DDX10: variants seen among roughly 807,000 people sequenced by gnomAD.
DDX10 encodes the protein DEAD-box helicase 10.
DDX10 carries 74 observed loss-of-function variants against 104.3 expected under a neutral mutation model. The ratio of observed to expected loss-of-function variants is 0.71; its 90% confidence interval spans 0.59 to 0.86. The LOEUF is 0.86. Ranked by LOEUF, DDX10 falls within the 40% of genes least tolerant of loss-of-function variation. The probability of loss-of-function intolerance (pLI) is 0.00; values close to 1 mark genes in which losing one functional copy is unlikely to be tolerated. For synonymous variants in DDX10, 351 were observed against 353.4 expected (o/e 0.99, Z 0.08); for missense variants, 952 against 1,040.0 (o/e 0.92, Z 1.16).
intron 13 of DDX10, among the ~76,000 whole-genome samples, chr11:108,816,271 A>G (rs1044834577): frequency 6.6e-6 from 1 of 152,168 alleles, no homozygotes; most frequent in African/African-American, 2.4e-5. Flanking sequence ...CCTTTTCTTT[A>G]AAACTCATAT....
chr11:108,696,697 C>T (rs1021623554), intron 9 of DDX10, among the ~76,000 whole-genome samples: 4 of 151,958 alleles, frequency 2.6e-5, no homozygotes, highest in African/African-American at 4.8e-5. Context: ...GGGGTGTAGG[C>T]GCTTTTTATT....
chr11:108,929,982 A>T (rs1863956503), intron 17 of DDX10, among the ~76,000 whole-genome samples: 1 of 152,182 alleles, frequency 6.6e-6, no homozygotes, highest in Non-Finnish European at 1.5e-5. Flanking sequence ...ATTTGTTACA[A>T]TTGATGAACT....
chr11:108,757,050 A>C (rs188081347), intron 13 of DDX10, among the ~76,000 whole-genome samples: 2 of 152,126 alleles, frequency 1.3e-5, no homozygotes, highest in African/African-American at 4.8e-5. Flanking sequence ...GTCTGTGTTA[A>C]ACTTTTCACT....
chr11:108,722,623 C>G (rs538760042), intron 12 of DDX10, among the ~76,000 whole-genome samples: 142 of 152,228 alleles, frequency 9.3e-4, no homozygotes, highest in African/African-American at 3.2e-3. Context: ...TGGATCCTTA[C>G]AGCAACTGTG....
chr11:108,799,640 T>C (rs915380333), intron 13 of DDX10, among the ~76,000 whole-genome samples: 1 of 152,236 alleles, frequency 6.6e-6, no homozygotes, highest in African/African-American at 2.4e-5. Flanking sequence ...AGACTTCCCA[T>C]TGAGAAAGGT....
chr11:108,696,811 T>C (rs986619030), intron 9 of DDX10, among the ~76,000 whole-genome samples: 5 of 152,184 alleles, frequency 3.3e-5, no homozygotes, highest in African/African-American at 7.2e-5. Flanking sequence ...GTGGTATTGA[T>C]GGGGACAGGG....
intron 13 of DDX10, among the ~76,000 whole-genome samples, chr11:108,822,809 G>A (rs1862344455): frequency 6.6e-6 from 1 of 152,170 alleles, no homozygotes; most frequent in Non-Finnish European, 1.5e-5. Context: ...CATTTTATGA[G>A]GTCTCTCAGC....
chr11:108,924,509 A>G (rs1487523721), intron 17 of DDX10, among the ~76,000 whole-genome samples: 1 of 152,172 alleles, frequency 6.6e-6, no homozygotes, highest in African/African-American at 2.4e-5. Context: ...GAATCAAAAG[A>G]CTAATCAAGG....
At chr11:108,778,203 C>T (rs1294402203) in intron 13 of DDX10, among the ~76,000 whole-genome samples, 1 of 152,140 alleles carries the variant, frequency 6.6e-6, no homozygotes, top group African/African-American at 2.4e-5. Context: ...CTTTAAAGTT[C>T]ATATGGAACC....
At chr11:108,895,025 A>T (rs1210867690) in intron 16 of DDX10, among the ~76,000 whole-genome samples, 1 of 152,012 alleles carries the variant, frequency 6.6e-6, no homozygotes, top group South Asian at 2.1e-4. Context: ...GACAATTTCA[A>T]AATAAAAAGA....
chr11:108,683,206 A>G (rs1384511624), intron 6 of DDX10, among the ~76,000 whole-genome samples: 1 of 152,192 alleles, frequency 6.6e-6, no homozygotes, highest in Admixed American at 6.5e-5. Flanking sequence ...TGACCCTGCC[A>G]GAATCTCTGC....
intron 16 of DDX10, among the ~76,000 whole-genome samples, chr11:108,866,251 A>G (rs1421626881): frequency 2.6e-5 from 4 of 152,178 alleles, no homozygotes; most frequent in Non-Finnish European, 5.9e-5. Flanking sequence ...GAAAACTGGT[A>G]TATTTTTCAG....
In DDX10 at chr11:108,708,255, TA is replaced by T. The variant is rs1256506206; in HGVS notation, c.1322+1426del. 5.3e-3 allele frequency among the ~76,000 whole-genome samples: 789 copies of T among 149,082 alleles called. 6 individuals are homozygous for T. The highest frequency in any genetic ancestry group is 0.018 in the African/African-American group (733 of 40,930). ...ATCATGAGTGGATATTGGATTTTGT[TA>T]AAAAAAATTTTTTTTTTAAAATCTG... On this transcript the variant is annotated intron_variant, in intron 10 of 17. Coordinates refer to ENST00000322536, the MANE Select transcript of DDX10 (RefSeq NM_004398.4).
chr11:108,761,363 AT>A (rs1591811568), intron 13 of DDX10, among the ~76,000 whole-genome samples: 2 of 151,946 alleles, frequency 1.3e-5, no homozygotes, highest in African/African-American at 4.8e-5. Flanking sequence ...GCGCCTCTAA[AT>A]TTTTTTTGTG....
At chr11:108,819,183 A>G (rs923100842) in intron 13 of DDX10, among the ~76,000 whole-genome samples, 1 of 151,930 alleles carries the variant, frequency 6.6e-6, no homozygotes, top group Admixed American at 6.6e-5. Flanking sequence ...CTGTTTTGTT[A>G]TATACATGCT....
intron 1 of DDX10, among the ~76,000 whole-genome samples, chr11:108,671,830 C>T (rs895380180): frequency 6.6e-6 from 1 of 151,892 alleles, no homozygotes; most frequent in Non-Finnish European, 1.5e-5. Context: ...GAAGCCGAGG[C>T]GGGTGGATCA....
intron 16 of DDX10, among the ~76,000 whole-genome samples, chr11:108,916,192 C>T (rs1379037191): frequency 6.6e-6 from 1 of 152,076 alleles, no homozygotes. Flanking sequence ...GCTCTGCCTC[C>T]ACCTTCAGAT....
At chr11:108,711,859 A>C (rs75116011) in intron 10 of DDX10, among the ~76,000 whole-genome samples, 1 of 152,276 alleles carries the variant, frequency 6.6e-6, no homozygotes, top group African/African-American at 2.4e-5. Context: ...CTATGTTCTT[A>C]CTGACTTTCT....
chr11:108,723,057 C>A lies in DDX10; in HGVS notation c.1560C>A (p.Pro520=), dbSNP rs1478666787. ...VRFLQKMQKQ[P]TKELVRSQAD... is the part of the protein sequence containing the mutation. ...TTCTTCAGAAAATGCAGAAACAACCCACCAAAGAATTGGTAAGGAGCCAAG... is the reference window on the plus strand; with the variant it reads ...TTCTTCAGAAAATGCAGAAACAACCAACCAAAGAATTGGTAAGGAGCCAAG... Residue 520 remains proline, a synonymous_variant, in exon 13 of 18, where the codon CCC becomes CCA. Transcript: ENST00000322536. 6.2e-7 allele frequency: 1 copy of A among 1,613,180 alleles called. No individual in the cohort carries two copies. The highest frequency in any genetic ancestry group is 8.5e-7 in the Non-Finnish European group (1 of 1,179,710).
Sources: allele counts gnomAD v4.1 joint callset (sites outside exome capture counted in the v4.1 genomes callset), GRCh38; gene constraint gnomAD v4.1.1; transcripts MANE v1.5; gene names NCBI Gene and HGNC (gene_info 2026-07-23, HGNC 2026-07-21).